The following SALL4 variants were observed in gnomAD, a reference collection of about 807,000 sequenced individuals.
The protein encoded by SALL4 is sal-like protein 4.
Under a neutral mutation model 60.8 loss-of-function variants are expected in SALL4, and 4 were observed. The ratio of observed to expected loss-of-function variants is 0.07; its 90% CI spans 0.03 to 0.15. The LOEUF (loss-of-function observed/expected upper bound fraction) is 0.15. SALL4 is among the 10% of genes least tolerant of loss of function. The pLI is 1.00. For missense variants in SALL4, 1,178 were observed against 1,394.7 expected, an observed-to-expected ratio of 0.84 and a Z score of 2.48; for synonymous variants, 580 against 574.9, an observed-to-expected ratio of 1.01 and a Z score of -0.13.
In SALL4 at chr20:51,801,133, G is replaced by A. The variant is rs6096585; in HGVS notation, c.130+1146C>T. ...GGCTACAAATCCCCCCTCCCCCCAC[G>A]CGCACGCTAAAAACTTATCAGGCGA... is the stretch of plus-strand genomic sequence containing the variant. On this transcript the variant is annotated intron_variant, in intron 1 of 3. Coordinates refer to ENST00000217086, the MANE Select transcript of SALL4 (RefSeq NM_020436.5). The surrounding 1 kb of genome is among the most constrained non-coding windows in gnomAD (Gnocchi z 5.2). Among the ~76,000 whole-genome samples the A allele has an allele frequency of 0.22, 33,737 of 151,628 alleles. 3,816 individuals are homozygous for A. The highest frequency in any genetic ancestry group is 0.24 in the African/African-American group (10,050 of 41,304).
rs1465138024 is a variant in SALL4, at chr20:51,802,423, G to A, written c.-15C>T. On this transcript the variant is annotated 5_prime_UTR_variant, in exon 1 of 4. Transcript: ENST00000217086. ...CGCCTCGACATGGTGCGAGCATCGGGGCGCCGGGAGAGCCGCAGTTATTTG... is the reference window on the plus strand; with the variant it reads ...CGCCTCGACATGGTGCGAGCATCGGAGCGCCGGGAGAGCCGCAGTTATTTG... The A allele has an allele frequency of 5.0e-6, 8 of 1,612,500 alleles. No individual in the cohort carries two copies. Among genetic ancestry groups the A allele is most frequent in the Admixed American group, 3.3e-5 (2 of 59,998 alleles).
rs770056012 is a variant in SALL4 at position 51,791,096 on chromosome 20, C to G, written c.1387G>C (p.Asp463His). 3 of 1,614,162 alleles carry G rather than the reference C, an allele frequency of 1.9e-6. No homozygotes were observed. Among genetic ancestry groups the G allele is most frequent in the Admixed American group, 3.3e-5 (2 of 60,024 alleles). ...GAAAGACTCGGTTCATCTATGGGGT[C>G]AGGTACAGAGAGTGCATAGGGGATG... Reference protein sequence around the residue: ...NGIPYALSVPDPIDEPSLSLD... With the variant: ...NGIPYALSVPHPIDEPSLSLD... The change falls in exon 2 of 4, where the codon GAC (aspartate) becomes CAC (histidine). Residue 463 changes from aspartate to histidine, a missense_variant. Physicochemically the swap from Asp to His is moderately conservative, Grantham distance 81. Around this residue, in one of 5 missense-constraint regions of SALL4, gnomAD observed 853 missense variants for 1,036.8 expected, o/e 0.82. Transcript: ENST00000217086. This position sits in a 1 kb window ranked among gnomAD's most constrained non-coding sequence, Gnocchi z 4.6.
chr20:51,799,522 T>C (rs1422284515), intron 1 of SALL4, among the ~76,000 whole-genome samples: 1 of 152,238 alleles, frequency 6.6e-6, no homozygotes, highest in Admixed American at 6.5e-5. Flanking sequence ...CATTTGCTTC[T>C]GCACTGCACA....
chr20:51,792,458 G>A, intron 1 of SALL4, 106 bp from the exon 2 acceptor site: 1 of 1,380,264 alleles, frequency 7.2e-7, no homozygotes, highest in Non-Finnish European at 1.0e-6. Context: ...GGAGGCTGAG[G>A]TGGGCAGATC....
At position 51,801,296 on chromosome 20, in the gene SALL4, C is replaced by G. The variant is rs2078108126; in HGVS notation, c.130+983G>C. Among the ~76,000 whole-genome samples, 1 of 152,218 alleles carries G rather than the reference C, an allele frequency of 6.6e-6. No individual in the cohort carries two copies. Among genetic ancestry groups the G allele is most frequent in the African/African-American group, 2.4e-5 (1 of 41,474 alleles). On this transcript the variant is annotated intron_variant, in intron 1 of 3. Coordinates refer to ENST00000217086, the MANE Select transcript of SALL4 (RefSeq NM_020436.5). The surrounding 1 kb of genome is among the most constrained non-coding windows in gnomAD (Gnocchi z 5.2). ...GCTGGGGTCCCGAACTCCCCTCGAT[C>G]TGGGAAACGCTGGCCGCGGAAGCGT...
chr20:51,792,623 A>T, intron 1 of SALL4: 2 of 513,272 alleles, frequency 3.9e-6, no homozygotes, highest in Non-Finnish European at 6.0e-6. Context: ...CAGGAGGCAG[A>T]GGTTGCAGTG....
chr20:51,800,837 C>A (rs6063716), intron 1 of SALL4, among the ~76,000 whole-genome samples: 22,768 of 152,108 alleles, frequency 0.15, 1,853 homozygotes, highest in Non-Finnish European at 0.17. Flanking sequence ...CCAGCCATCC[C>A]CTCCGTCAAG....
chr20:51,792,398 TGTG>T, intron 1 of SALL4, 46 bp from the exon 2 acceptor site: 1 of 1,596,928 alleles, frequency 6.3e-7, no homozygotes, highest in Non-Finnish European at 8.5e-7. Flanking sequence ...AAGTAAAAGA[TGTG>T]GGGGGAGCCG....
chr20:51,795,659 G>A (rs911557772), intron 1 of SALL4, among the ~76,000 whole-genome samples: 2 of 152,122 alleles, frequency 1.3e-5, no homozygotes, highest in Admixed American at 6.5e-5. Context: ...GGAAATACAC[G>A]CTGCTGGTAC....
intron 2 of SALL4, 109 bp from the exon 3 acceptor site, chr20:51,789,250 G>C: frequency 7.8e-7 from 1 of 1,289,810 alleles, no homozygotes; most frequent in Non-Finnish European, 1.1e-6. Flanking sequence ...TTGAGAGTCT[G>C]GAGCTGGCTT....
chr20:51,801,293 G>C lies in SALL4; in HGVS notation c.130+986C>G, dbSNP rs976893036. ...GCGGCTGGGGTCCCGAACTCCCCTC[G>C]ATCTGGGAAACGCTGGCCGCGGAAG... On this transcript the variant is annotated intron_variant, in intron 1 of 3. Transcript: ENST00000217086. The surrounding 1 kb of genome is among the most constrained non-coding windows in gnomAD (Gnocchi z 5.2). Among the ~76,000 whole-genome samples the C allele has an allele frequency of 1.3e-5, 2 of 152,198 alleles. No homozygotes were observed. The highest frequency in any genetic ancestry group is 2.9e-5 in the Non-Finnish European group (2 of 68,028).
chr20:51,787,296 C>T (rs907097498), intron 3 of SALL4, among the ~76,000 whole-genome samples: 6 of 151,784 alleles, frequency 4.0e-5, no homozygotes, highest in African/African-American at 1.5e-4. Context: ...TGATGGCGGG[C>T]GCCTGTAATT....
At chr20:51,784,735 A>C in intron 3 of SALL4, 51 bp from the exon 4 acceptor site, 4 of 1,601,766 alleles carry the variant, frequency 2.5e-6, no homozygotes, top group Non-Finnish European at 3.4e-6. Context: ...TTTGAAGCTC[A>C]CTGGCAAGCC....
chr20:51,798,880 A>C (rs1246133043), intron 1 of SALL4, among the ~76,000 whole-genome samples: 6 of 151,492 alleles, frequency 4.0e-5, no homozygotes, highest in African/African-American at 1.2e-4. Flanking sequence ...CAAAACAAAA[A>C]AAACAGTTCC....
chr20:51,791,922 C>A lies in SALL4; in HGVS notation c.561G>T (p.Arg187=). 2 of 1,614,214 alleles carry A rather than the reference C, an allele frequency of 1.2e-6. No homozygotes were observed. The highest frequency in any genetic ancestry group is 1.7e-6 in the Non-Finnish European group (2 of 1,180,040). ...ANTNVTLQAL[R]GTKVAVNQRS... ...GCTGATTCACCGCCACCTTGGTGCC[C>A]CGTAGTGCCTGCAAGGTCACATTAG... The change falls in exon 2 of 4, where the codon CGG becomes CGT. Residue 187 remains arginine, a synonymous_variant. Coordinates refer to ENST00000217086, the MANE Select transcript of SALL4 (RefSeq NM_020436.5). This position sits in a 1 kb window ranked among gnomAD's most constrained non-coding sequence, Gnocchi z 4.6.
intron 1 of SALL4, among the ~76,000 whole-genome samples, chr20:51,797,826 ACT>A (rs2078087693): frequency 6.6e-6 from 1 of 152,184 alleles, no homozygotes; most frequent in African/African-American, 2.4e-5. Flanking sequence ...GATAGAAAAT[ACT>A]CTTACTATTG....
chr20:51,785,533 G>C (rs1165746723), intron 3 of SALL4, among the ~76,000 whole-genome samples: 1 of 152,190 alleles, frequency 6.6e-6, no homozygotes, highest in Non-Finnish European at 1.5e-5. Context: ...GAGCAACCAA[G>C]ATGGGGCTTA....
Position 51,791,689 on chromosome 20 carries a change from G to A in SALL4, c.794C>T (p.Ser265Phe). 6.2e-7 allele frequency: 1 copy of A among 1,614,210 alleles called. No homozygotes were observed. The highest frequency in any genetic ancestry group is 8.5e-7 in the Non-Finnish European group (1 of 1,180,056). ...AGCCACAGCTGCAGAAACCTGCTGA[G>A]ACATGTGGCTGCCCAAGGTCTTCAG... ...DTLKTLGSHMSQQVSAAVALL... is the reference protein window; with the variant it reads ...DTLKTLGSHMFQQVSAAVALL... The change falls in exon 2 of 4, where the codon TCT becomes TTT. Residue 265 changes from serine (S) to phenylalanine (F), a missense_variant. By Grantham distance (155) the Ser-to-Phe change is radical. Around this residue, in one of 5 missense-constraint regions of SALL4, gnomAD observed 853 missense variants for 1,036.8 expected, o/e 0.82. Coordinates refer to ENST00000217086, the MANE Select transcript of SALL4 (RefSeq NM_020436.5). The surrounding 1 kb of genome is among the most constrained non-coding windows in gnomAD (Gnocchi z 4.6).
chr20:51,782,978 G>A lies in SALL4; in HGVS notation c.*1287C>T, dbSNP rs1407762412. 1 of 152,176 alleles carries A rather than the reference G, an allele frequency of 6.6e-6. No individual in the cohort carries two copies. The highest frequency in any genetic ancestry group is 2.4e-5 in the African/African-American group (1 of 41,438). 9.4% of individuals were successfully genotyped at this position (152,176 alleles called of 1,614,324 possible). On this transcript the variant is annotated 3_prime_UTR_variant, in exon 4 of 4. Coordinates refer to ENST00000217086, the MANE Select transcript of SALL4 (RefSeq NM_020436.5). ...AGGACGTGCCTGTTCTAACTTCGTA[G>A]CCTTCATGAAATATTCAGCAAGGAA... is the stretch of plus-strand genomic sequence containing the variant.
Sources: allele counts gnomAD v4.1 joint callset (sites outside exome capture counted in the v4.1 genomes callset), GRCh38; gene constraint gnomAD v4.1.1; regional missense constraint gnomAD v4.1.1; non-coding constraint Gnocchi (gnomAD v3.1); transcripts MANE v1.5; gene names NCBI Gene and HGNC (gene_info 2026-07-23, HGNC 2026-07-21).